Variants in CARMIL1 observed in about 807,000 individuals in gnomAD.
CARMIL1 encodes F-actin-uncapping protein LRRC16A.
In CARMIL1, 90 loss-of-function variants were observed where a neutral mutation model predicts 177.1. The observed-to-expected ratio is 0.51, with a 90% CI of 0.43 to 0.61. The LOEUF is 0.61. Among genes scored for constraint, CARMIL1 ranks in the 20% least tolerant of loss-of-function variants. CARMIL1 has a pLI of 0.00. For missense variants in CARMIL1, 1,380 were observed against 1,667.0 expected, an observed-to-expected ratio of 0.83 and a Z score of 3.00; for synonymous variants, 577 against 606.2, an observed-to-expected ratio of 0.95 and a Z score of 0.71.
rs557417058 is a variant in CARMIL1, at chr6:25,601,574, C to G, written c.3552+828C>G. Among the ~76,000 whole-genome samples, 3 of 152,244 alleles carry G rather than the reference C, an allele frequency of 2.0e-5. No homozygotes were observed. In the East Asian group the frequency reaches 5.8e-4, roughly 29 times the overall value. On this transcript the variant is annotated intron_variant, in intron 33 of 36. Transcript: ENST00000329474. ...CCTAAAAATTATTCTCTTTTTAAAC[C>G]TAAGAATGCCTTGCTATATTCCAGA...
chr6:25,530,733 C>T (rs1807677829), intron 24 of CARMIL1, among the ~76,000 whole-genome samples: 1 of 151,946 alleles, frequency 6.6e-6, no homozygotes, highest in Non-Finnish European at 1.5e-5. Context: ...GAAAAGTACG[C>T]AATATGAGGT....
intron 31 of CARMIL1, among the ~76,000 whole-genome samples, chr6:25,586,583 C>T (rs931788833): frequency 1.3e-5 from 2 of 151,936 alleles, no homozygotes; most frequent in South Asian, 2.1e-4. Context: ...AATCTCGGCA[C>T]TTTGGGAGAC....
At chr6:25,571,382 G>C (rs1481077819) in intron 29 of CARMIL1, among the ~76,000 whole-genome samples, 7 of 152,134 alleles carry the variant, frequency 4.6e-5, no homozygotes, top group Admixed American at 4.6e-4. Flanking sequence ...ACAGAGGATT[G>C]TAAGAGAGGA....
rs989370291 is a variant in CARMIL1, at chr6:25,619,589, A to C, written c.*6A>C. 1 of 1,612,822 alleles carries C rather than the reference A, an allele frequency of 6.2e-7. No homozygotes were observed. The highest frequency in any genetic ancestry group is 8.5e-7 in the Non-Finnish European group (1 of 1,179,302). On this transcript the variant is annotated 3_prime_UTR_variant, in exon 37 of 37. Transcript: ENST00000329474. ...AAGAGTTTATTTTTGTGTAAAGGTC[A>C]CCCACGCAGAAGTCTTCCTGTGCAG...
intron 9 of CARMIL1, among the ~76,000 whole-genome samples, chr6:25,468,412 T>G (rs937372718): frequency 6.6e-6 from 1 of 152,246 alleles, no homozygotes; most frequent in East Asian, 1.9e-4. Context: ...AAAGTTCCAT[T>G]TTTTAAAAAT....
At chr6:25,282,574 T>A (rs1337305198) in intron 1 of CARMIL1, among the ~76,000 whole-genome samples, 1 of 152,216 alleles carries the variant, frequency 6.6e-6, no homozygotes, top group Non-Finnish European at 1.5e-5. Flanking sequence ...AAGAAAATTT[T>A]GATTACCCCT....
intron 8 of CARMIL1, among the ~76,000 whole-genome samples, chr6:25,460,358 CAG>C (rs1320694418): frequency 3.3e-5 from 5 of 152,320 alleles, no homozygotes; most frequent in African/African-American, 1.2e-4. Flanking sequence ...GAGACCTCAT[CAG>C]AGTCTTGATT....
chr6:25,320,763 C>A (rs544454318), intron 2 of CARMIL1, among the ~76,000 whole-genome samples: 13 of 152,194 alleles, frequency 8.5e-5, no homozygotes, highest in African/African-American at 2.9e-4. Flanking sequence ...CCAAAGGATC[C>A]CAGGAATGGG....
chr6:25,484,153 C>G (rs1802405040), intron 12 of CARMIL1, among the ~76,000 whole-genome samples: 1 of 152,178 alleles, frequency 6.6e-6, no homozygotes, highest in South Asian at 2.1e-4. Context: ...TTCCTTAGCC[C>G]TGTGTAAATT....
At position 25,326,156 on chromosome 6, in the gene CARMIL1, C is replaced by G. The variant is rs1482531826; in HGVS notation, c.138+41247C>G. ...ATGCTGGGATTACAGGCGTGAGCCACTGCGCTCGGCCTAGATGAGACATTT... is the reference window on the plus strand; with the variant it reads ...ATGCTGGGATTACAGGCGTGAGCCAGTGCGCTCGGCCTAGATGAGACATTT... On this transcript the variant is annotated intron_variant, in intron 2 of 36. Coordinates refer to ENST00000329474, the MANE Select transcript of CARMIL1 (RefSeq NM_017640.6). The surrounding 1 kb of genome is among the most constrained non-coding windows in gnomAD (Gnocchi z 4.2). Among the ~76,000 whole-genome samples the G allele has an allele frequency of 6.6e-6, 1 of 152,190 alleles. No homozygotes were observed. The highest frequency in any genetic ancestry group is 1.5e-5 in the Non-Finnish European group (1 of 68,032).
At chr6:25,465,071 C>CAAAAAA (rs558022196) in intron 8 of CARMIL1, among the ~76,000 whole-genome samples, 194 of 61,290 alleles carry the variant, frequency 3.2e-3, no homozygotes, top group Non-Finnish European at 3.9e-3. Flanking sequence ...AGAACTAAAG[C>CAAAAAA]AAAAAAAAAA....
chr6:25,298,694 A>G (rs1158275611), intron 2 of CARMIL1, among the ~76,000 whole-genome samples: 2 of 151,452 alleles, frequency 1.3e-5, no homozygotes, highest in African/African-American at 4.9e-5. Flanking sequence ...CTTTCAGGGC[A>G]CTGCTGTCTG....
chr6:25,409,521 A>G (rs1173663108), intron 2 of CARMIL1, among the ~76,000 whole-genome samples: 2 of 151,420 alleles, frequency 1.3e-5, no homozygotes, highest in African/African-American at 2.5e-5. Context: ...AAAATGGCAA[A>G]GCTGAGATTT....
At position 25,279,810 on chromosome 6, in the gene CARMIL1, C is replaced by T. The variant is rs757391659; in HGVS notation, c.15C>T (p.Ser5=). The part of the protein sequence containing the change: MTEE[S]SDVPRELIES... ...ACAGGGCAACCATGACCGAGGAGAG[C>T]TCTGACGTTCCCAGGGAGTTGATAG... Residue 5 remains serine (S), a synonymous_variant, in exon 1 of 37, where the codon AGC becomes AGT. Coordinates refer to ENST00000329474, the MANE Select transcript of CARMIL1 (RefSeq NM_017640.6). 5 of 1,613,998 alleles carry T rather than the reference C, an allele frequency of 3.1e-6. No individual in the cohort carries two copies. In the Admixed American group the frequency reaches 8.3e-5, roughly 27 times the overall value.
At chr6:25,504,649 C>T (rs12525553) in intron 17 of CARMIL1, among the ~76,000 whole-genome samples, 76,918 of 151,964 alleles carry the variant, frequency 0.51, 20,112 homozygotes, top group Non-Finnish European at 0.57. Context: ...TCTATACTTA[C>T]AGGAAAAAAC....
chr6:25,320,980 G>A (rs1257935209), intron 2 of CARMIL1, among the ~76,000 whole-genome samples: 1 of 152,232 alleles, frequency 6.6e-6, no homozygotes, highest in Admixed American at 6.5e-5. Context: ...ATCCTGGACT[G>A]CATGTGGCCC....
chr6:25,600,830 A>G (rs1004473211), intron 33 of CARMIL1, 84 bp downstream of exon 33: 1 of 1,179,760 alleles, frequency 8.5e-7, no homozygotes, highest in East Asian at 2.6e-5. Flanking sequence ...TGATATTTTT[A>G]TGTATGTCTA....
rs138255126 is a variant in CARMIL1 at position 25,530,234 on chromosome 6, C to T, written c.2067+1341C>T. 5.4e-3 allele frequency among the ~76,000 whole-genome samples: 824 copies of T among 151,826 alleles called. 6 individuals carry two copies. The highest frequency in any genetic ancestry group is 8.8e-3 in the Non-Finnish European group (597 of 67,930). ...AAAGCGTTCCAGAAAGAAAAGAGTT[C>T]CAGGCCAGACACTGTGGCTCACGCC... On this transcript the variant is annotated intron_variant, in intron 24 of 36. Transcript: ENST00000329474.
intron 8 of CARMIL1, among the ~76,000 whole-genome samples, chr6:25,462,732 G>A (rs1446228475): frequency 6.6e-6 from 1 of 152,126 alleles, no homozygotes; most frequent in Non-Finnish European, 1.5e-5. Context: ...GTGCTCTTAG[G>A]GCTTTTTGTT....
Sources: allele counts gnomAD v4.1 joint callset (sites outside exome capture counted in the v4.1 genomes callset), GRCh38; gene constraint gnomAD v4.1.1; non-coding constraint Gnocchi (gnomAD v3.1); transcripts MANE v1.5; gene names NCBI Gene and HGNC (gene_info 2026-07-23, HGNC 2026-07-21).